NREP: variants seen among roughly 807,000 people sequenced by gnomAD.
The protein encoded by NREP is neuronal regeneration related protein.
In NREP, 5 loss-of-function variants were observed where a neutral mutation model predicts 8.6. The ratio of observed to expected loss-of-function variants is 0.58; its 90% CI spans 0.30 to 1.22. NREP has a LOEUF of 1.22. NREP is among the 50% of genes most tolerant of loss of function. The pLI is 0.07. For synonymous variants in NREP, 27 were observed against 28.0 expected, an observed-to-expected ratio of 0.96 and a Z score of 0.11; for missense variants, 86 against 82.5, an observed-to-expected ratio of 1.04 and a Z score of -0.17.
chr5:111,963,098 A>G (rs1756525277), intron 2 of NREP, among the ~76,000 whole-genome samples: 1 of 152,266 alleles, frequency 6.6e-6, no homozygotes, highest in African/African-American at 2.4e-5. Context: ...CACTGAGTGG[A>G]TAACACATGG....
intron 2 of NREP, among the ~76,000 whole-genome samples, chr5:111,876,186 A>G (rs1753904463): frequency 6.6e-6 from 1 of 152,136 alleles, no homozygotes; most frequent in Admixed American, 6.5e-5. Context: ...TGGCATTCCC[A>G]CATCCCCATG....
At chr5:111,793,643 G>A (rs1023251018) in intron 2 of NREP, among the ~76,000 whole-genome samples, 2 of 152,110 alleles carry the variant, frequency 1.3e-5, no homozygotes, top group African/African-American at 4.8e-5. Flanking sequence ...AGCTAACTGG[G>A]CAGACTTTAG....
chr5:111,889,804 T>C (rs1754350530), intron 2 of NREP, among the ~76,000 whole-genome samples: 2 of 151,432 alleles, frequency 1.3e-5, no homozygotes, highest in Non-Finnish European at 2.9e-5. Flanking sequence ...CAAAGGGAGA[T>C]GGGGTGGGGC....
chr5:111,774,701 G>T lies in NREP; in HGVS notation c.136-39194C>A, dbSNP rs188445372. 2.4e-3 allele frequency among the ~76,000 whole-genome samples: 370 copies of T among 152,258 alleles called. 1 individual carries two copies. Among genetic ancestry groups the T allele is most frequent in the Admixed American group, 7.1e-3 (109 of 15,288 alleles). Reference sequence around the variant, plus strand: ...AAATGGGGCCCTCGGCCTTGTGACCGCAAGGAACTGAATTCTGCCAACAAC... The same window carrying T: ...AAATGGGGCCCTCGGCCTTGTGACCTCAAGGAACTGAATTCTGCCAACAAC... On this transcript the variant is annotated intron_variant, in intron 2 of 3. Coordinates refer to the NREP transcript ENST00000395634.
intron 2 of NREP, among the ~76,000 whole-genome samples, chr5:111,899,114 G>C (rs2112545148): frequency 6.6e-6 from 1 of 152,098 alleles, no homozygotes; most frequent in Admixed American, 6.6e-5. Context: ...GGAAGCAAAG[G>C]ACAATATATA....
At chr5:111,774,363 A>G (rs923007417) in intron 2 of NREP, among the ~76,000 whole-genome samples, 5 of 152,134 alleles carry the variant, frequency 3.3e-5, no homozygotes, top group Admixed American at 6.6e-5. Context: ...TTCTATCTCT[A>G]TAACCTCCAA....
At chr5:111,855,292 G>A (rs541385013) in intron 2 of NREP, among the ~76,000 whole-genome samples, 1 of 152,246 alleles carries the variant, frequency 6.6e-6, no homozygotes, top group South Asian at 2.1e-4. Context: ...CTGTGCCTGT[G>A]TTTCCACATA....
chr5:111,833,050 C>T (rs1321139528), intron 2 of NREP, among the ~76,000 whole-genome samples: 2 of 152,200 alleles, frequency 1.3e-5, no homozygotes, highest in African/African-American at 4.8e-5. Context: ...CAGGACTGTA[C>T]TACTTGTGCA....
At chr5:111,771,175 T>A (rs1751217499) in intron 2 of NREP, among the ~76,000 whole-genome samples, 1 of 152,080 alleles carries the variant, frequency 6.6e-6, no homozygotes, top group South Asian at 2.1e-4. Flanking sequence ...TAAAGACACA[T>A]GAATGATGGA....
chr5:111,857,705 G>A (rs1276572945), intron 2 of NREP, among the ~76,000 whole-genome samples: 4 of 152,200 alleles, frequency 2.6e-5, no homozygotes, highest in African/African-American at 7.2e-5. Context: ...ATGGCTTTTT[G>A]TTGGTTTTGT....
intron 2 of NREP, among the ~76,000 whole-genome samples, chr5:111,872,531 G>T (rs1264193298): frequency 6.6e-6 from 1 of 152,160 alleles, no homozygotes; most frequent in Admixed American, 6.6e-5. Flanking sequence ...TCTTTAGGAA[G>T]TCCGATGTCC....
intron 2 of NREP, among the ~76,000 whole-genome samples, chr5:111,800,258 C>T (rs1751973969): frequency 6.6e-6 from 1 of 152,100 alleles, no homozygotes; most frequent in East Asian, 1.9e-4. Context: ...AATAAACTAG[C>T]AGAAAACTTA....
At chr5:111,905,633 G>A (rs554519625) in intron 2 of NREP, among the ~76,000 whole-genome samples, 1 of 152,174 alleles carries the variant, frequency 6.6e-6, no homozygotes. Flanking sequence ...AGACAGCAAA[G>A]TTCAAATCGA....
chr5:111,971,000 T>C (rs558152854), intron 2 of NREP, among the ~76,000 whole-genome samples: 1 of 152,270 alleles, frequency 6.6e-6, no homozygotes, highest in South Asian at 2.1e-4. Context: ...GGCAGCATCC[T>C]TAGGTGTTCC....
chr5:111,755,724 G>A, intron 2 of NREP, 46 bp downstream of exon 2: 1 of 1,601,576 alleles, frequency 6.2e-7, no homozygotes, highest in South Asian at 1.1e-5. Flanking sequence ...ATATGTAACA[G>A]ACTGGTAAGA....
intron 2 of NREP, among the ~76,000 whole-genome samples, chr5:111,840,848 A>C (rs1753012877): frequency 6.6e-6 from 1 of 152,160 alleles, no homozygotes; most frequent in East Asian, 1.9e-4. Flanking sequence ...AGGCAAATCC[A>C]GTTTATGACC....
intron 2 of NREP, among the ~76,000 whole-genome samples, chr5:111,950,272 AT>A (rs1350710951): frequency 2.6e-5 from 4 of 152,100 alleles, no homozygotes; most frequent in Non-Finnish European, 2.9e-5. Context: ...TCTTCAACAA[AT>A]CTGACAGAAA....
intron 2 of NREP, among the ~76,000 whole-genome samples, chr5:111,876,361 C>A (rs1753909268): frequency 6.6e-6 from 1 of 152,198 alleles, no homozygotes; most frequent in Admixed American, 6.5e-5. Context: ...TCCTGTATCA[C>A]TTGTTTCTTG....
chr5:111,841,202 C>G (rs1236045765), intron 2 of NREP, among the ~76,000 whole-genome samples: 1 of 152,120 alleles, frequency 6.6e-6, no homozygotes, highest in Admixed American at 6.6e-5. Context: ...CTCTGAAGAA[C>G]TATATAAAAC....
Sources: gnomAD v4.1 joint callset for allele counts (sites outside exome capture counted in the v4.1 genomes callset) on GRCh38, gnomAD v4.1.1 for gene constraint, MANE v1.5 for transcripts, NCBI Gene and HGNC (gene_info 2026-07-23, HGNC 2026-07-21) for gene names.